The following GCSH variants were observed in gnomAD, a reference collection of about 807,000 sequenced individuals.
GCSH encodes glycine cleavage system H protein, mitochondrial.
In GCSH, 15 loss-of-function variants were observed where a neutral mutation model predicts 21.3. That is an observed-to-expected ratio of 0.70 (90% CI 0.47 to 1.08). The LOEUF (loss-of-function observed/expected upper bound fraction) is 1.08. GCSH is among the 50% of genes least tolerant of loss of function. The pLI is 0.00. For missense variants in GCSH, 179 were observed against 217.5 expected, an observed-to-expected ratio of 0.82 and a Z score of 1.11; for synonymous variants, 59 against 84.5, an observed-to-expected ratio of 0.70 and a Z score of 1.66.
intron 2 of GCSH, 116 bp downstream of exon 2, chr16:81,090,485 G>A (rs1972376715): frequency 2.2e-5 from 17 of 756,330 alleles, no homozygotes; most frequent in Non-Finnish European, 3.8e-5. Context: ...GCCTCCCAAA[G>A]TGTTGGGATT....
At chr16:81,089,661 C>T (rs976122953) in intron 2 of GCSH, among the ~76,000 whole-genome samples, 3 of 152,180 alleles carry the variant, frequency 2.0e-5, no homozygotes, top group African/African-American at 7.2e-5. Flanking sequence ...GCATTCCCAT[C>T]AGTTAACATC....
chr16:81,083,817 T>C (rs1413586590), intron 4 of GCSH: 3 of 152,352 alleles, frequency 2.0e-5, no homozygotes, highest in African/African-American at 7.2e-5. Flanking sequence ...CAAAAATTAA[T>C]GCAAAATATA....
intron 1 of GCSH, chr16:81,091,253 A>T (rs1972391787): frequency 2.8e-6 from 1 of 363,054 alleles, no homozygotes; most frequent in African/African-American, 2.2e-5. Flanking sequence ...CTAAGTTCTT[A>T]AAATTCTACT....
At chr16:81,088,326 G>T (rs140038045) in intron 2 of GCSH, among the ~76,000 whole-genome samples, 4 of 152,240 alleles carry the variant, frequency 2.6e-5, no homozygotes, top group African/African-American at 9.6e-5. Flanking sequence ...GAGACCAGCC[G>T]CCAGCCAGAT....
chr16:81,094,867 C>T, intron 1 of GCSH, among the ~76,000 whole-genome samples: 1 of 152,038 alleles, frequency 6.6e-6, no homozygotes, highest in Admixed American at 6.6e-5. Context: ...GAGGCTGAGG[C>T]GGGTGGATCA....
intron 4 of GCSH, chr16:81,083,785 A>G (rs1168834367): frequency 6.6e-6 from 1 of 152,534 alleles, no homozygotes; most frequent in Non-Finnish European, 1.5e-5. Context: ...ATTAGATTAT[A>G]AGGGTGAAAA....
rs1972493044 is a variant in GCSH at position 81,095,782 on chromosome 16, T to G, written c.148+349A>C. Among the ~76,000 whole-genome samples, 4 of 149,816 alleles carry G rather than the reference T, an allele frequency of 2.7e-5. No individual in the cohort carries two copies. The South Asian group carries it at 6.4e-4, about 24-fold the overall frequency. On this transcript the variant is annotated intron_variant, in intron 1 of 4. Transcript: ENST00000315467. ...CGATGCACGCAGATGGGAGATAAACTTAAGGCCACCGAGACGCTTAAGCGA... is the reference window on the plus strand; with the variant it reads ...CGATGCACGCAGATGGGAGATAAACGTAAGGCCACCGAGACGCTTAAGCGA...
At chr16:81,088,107 C>G (rs1266393060) in intron 2 of GCSH, among the ~76,000 whole-genome samples, 2 of 151,978 alleles carry the variant, frequency 1.3e-5, no homozygotes, top group African/African-American at 4.8e-5. Flanking sequence ...GCCTTGGCGA[C>G]AGAGCAAGAC....
rs78295348 is a variant in GCSH, at chr16:81,095,377, A to ATTTTTTTT, written c.148+746_148+753dup. ...AAAAAAATCTAGATCTGGCGCTTTAATTTTTTTTTTTTTTTTTTTTTTTGA... is the reference window on the plus strand; with the variant it reads ...AAAAAAATCTAGATCTGGCGCTTTAATTTTTTTTTTTTTTTTTTTTTTTTTTTTTTTGA... On this transcript the variant is annotated intron_variant, in intron 1 of 4. Coordinates refer to ENST00000315467, the MANE Select transcript of GCSH (RefSeq NM_004483.5). Among the ~76,000 whole-genome samples the ATTTTTTTT allele has an allele frequency of 1.6e-3, 235 of 146,090 alleles. 2 individuals are homozygous for ATTTTTTTT. The highest frequency in any genetic ancestry group is 3.4e-3 in the African/African-American group (130 of 38,208).
In GCSH at chr16:81,082,205, T is replaced by C. The variant is rs1972178119; in HGVS notation, c.*661A>G. 1 of 453,990 alleles carries C rather than the reference T, an allele frequency of 2.2e-6. No individual in the cohort carries two copies. The highest frequency in any genetic ancestry group is 4.4e-6 in the Non-Finnish European group (1 of 226,784). The allele number at this position is 453,990 out of a possible 1,614,324, so 28.1% of individuals were successfully genotyped here. ...ACTAAAGAAAACATTTTCTTGGAGC[T>C]TTGCATTGTTCTGGCTTAAATTTCC... On this transcript the variant is annotated 3_prime_UTR_variant, in exon 5 of 5. Transcript: ENST00000315467.
intron 1 of GCSH, among the ~76,000 whole-genome samples, chr16:81,095,806 G>C (rs528016408): frequency 6.6e-6 from 1 of 152,198 alleles, no homozygotes; most frequent in East Asian, 1.9e-4. Flanking sequence ...ACGCTTAAGC[G>C]ACACGTGCCT....
intron 1 of GCSH, among the ~76,000 whole-genome samples, chr16:81,093,031 C>T (rs1467747060): frequency 6.6e-6 from 1 of 151,152 alleles, no homozygotes; most frequent in Non-Finnish European, 1.5e-5. Context: ...ACTTGGGAGG[C>T]TGAGGCAGGA....
intron 1 of GCSH, among the ~76,000 whole-genome samples, chr16:81,095,262 T>C (rs550632468): frequency 1.2e-4 from 18 of 152,302 alleles, no homozygotes; most frequent in Admixed American, 2.6e-4. Flanking sequence ...ATACAAACTT[T>C]AGCAGAACTT....
At chr16:81,084,950 C>A (rs1056593946) in intron 3 of GCSH, among the ~76,000 whole-genome samples, 1 of 148,534 alleles carries the variant, frequency 6.7e-6, no homozygotes, top group Non-Finnish European at 1.5e-5. Flanking sequence ...CTCCTGATGC[C>A]GTGATCCGCC....
Position 81,096,391 on chromosome 16 carries a change from G to T in GCSH, c.-113C>A. ...GAGCCGGCTGGATGGAGGCGCGGAG[G>T]CGGTGCCGCGGGGGCGGGACAGAGC... is the stretch of plus-strand genomic sequence containing the variant. On this transcript the variant is annotated 5_prime_UTR_variant, in exon 1 of 5. Transcript: ENST00000315467. 2 of 835,624 alleles carry T rather than the reference G, an allele frequency of 2.4e-6. No homozygotes were observed. The allele number at this position is 835,624 out of a possible 1,614,324, so 51.8% of individuals were successfully genotyped here.
chr16:81,090,983 A>T, intron 1 of GCSH: 1 of 487,504 alleles, frequency 2.1e-6, no homozygotes, highest in Admixed American at 3.2e-5. Flanking sequence ...GCATATTTCA[A>T]ATGTATACTT....
chr16:81,088,679 G>T (rs905829419), intron 2 of GCSH, among the ~76,000 whole-genome samples: 2 of 152,156 alleles, frequency 1.3e-5, no homozygotes, highest in Admixed American at 1.3e-4. Flanking sequence ...AGGATTACAG[G>T]TGTGAGCCAC....
chr16:81,092,532 G>A lies in GCSH; in HGVS notation c.149-1852C>T, dbSNP rs371953432. Among the ~76,000 whole-genome samples the A allele has an allele frequency of 7.0e-4, 106 of 151,704 alleles. 1 individual carries two copies. In the South Asian group the frequency reaches 0.021, roughly 30 times the overall value. On this transcript the variant is annotated intron_variant, in intron 1 of 4. Coordinates refer to ENST00000315467, the MANE Select transcript of GCSH (RefSeq NM_004483.5). ...GAGGCGGGTGGATCACCTGAGGTCC[G>A]GGGTTTGAGACCAGCCTGGCCAGCA...
chr16:81,087,186 C>A (rs907958515), intron 3 of GCSH, among the ~76,000 whole-genome samples: 1 of 152,036 alleles, frequency 6.6e-6, no homozygotes. Flanking sequence ...CTGTCTCAGC[C>A]TCTGAGTAGC....
Sources: gnomAD v4.1 joint callset for allele counts (sites outside exome capture counted in the v4.1 genomes callset) on GRCh38, gnomAD v4.1.1 for gene constraint, MANE v1.5 for transcripts, NCBI Gene and HGNC (gene_info 2026-07-23, HGNC 2026-07-21) for gene names.